The following CHEK2 variants were observed in gnomAD, a reference collection of about 807,000 sequenced individuals.
CHEK2 encodes the protein checkpoint kinase 2.
A neutral mutation model predicts 69.1 loss-of-function variants in CHEK2; 71 were observed. The observed-to-expected ratio is 1.03, with a 90% CI of 0.85 to 1.25. CHEK2 has a LOEUF of 1.25. Ranked by LOEUF, CHEK2 falls within the 50% of genes most tolerant of loss-of-function variation. The probability of loss-of-function intolerance (pLI) is 0.00; values close to 1 mark genes in which losing one functional copy is unlikely to be tolerated. For missense variants in CHEK2, 664 were observed against 649.6 expected (o/e 1.02, Z -0.24); for synonymous variants, 189 against 226.9 (o/e 0.83, Z 1.50).
At chr22:28,698,570 C>G (rs2052687094) in intron 9 of CHEK2, among the ~76,000 whole-genome samples, 1 of 152,102 alleles carries the variant, frequency 6.6e-6, no homozygotes, top group African/African-American at 2.4e-5. Flanking sequence ...AAAAAAATTT[C>G]TCTCGATCCT....
intron 1 of CHEK2, among the ~76,000 whole-genome samples, chr22:28,736,779 C>CAA (rs2054422807): frequency 6.7e-6 from 1 of 149,988 alleles, no homozygotes; most frequent in African/African-American, 2.5e-5. Flanking sequence ...CCCCGCCCCC[C>CAA]GTACAAAAAA....
chr22:28,721,585 C>T, intron 4 of CHEK2: 1 of 459,794 alleles, frequency 2.2e-6, no homozygotes, highest in South Asian at 1.6e-5. Flanking sequence ...CCGCGCCCCG[C>T]CGTATTTTTG....
intron 6 of CHEK2, among the ~76,000 whole-genome samples, chr22:28,711,240 G>T (rs1048978830): frequency 5.9e-5 from 9 of 152,100 alleles, no homozygotes; most frequent in African/African-American, 2.2e-4. Context: ...ATAAAGAAAG[G>T]CTATTTCAAT....
chr22:28,692,324 C>A (rs1433064856), intron 13 of CHEK2, among the ~76,000 whole-genome samples: 1 of 152,194 alleles, frequency 6.6e-6, no homozygotes, highest in African/African-American at 2.4e-5. Context: ...TCCCCACATG[C>A]AAAGGCACCC....
rs121908712 is a variant in CHEK2 at position 28,712,091 on chromosome 22, C to G, written c.684-74G>C. Reference sequence around the variant, plus strand: ...AGACCTACCACTCCTGGGTCCACTTCAAGTATTAGAATTTACAGACATTCC... The same window carrying G: ...AGACCTACCACTCCTGGGTCCACTTGAAGTATTAGAATTTACAGACATTCC... On this transcript the variant is annotated intron_variant, in intron 5 of 14. Coordinates refer to ENST00000404276, the MANE Select transcript of CHEK2 (RefSeq NM_007194.4). 2.5e-3 allele frequency: 2,495 copies of G among 1,001,488 alleles called. 6 individuals carry two copies. Among genetic ancestry groups the G allele is most frequent in the Middle Eastern group, 7.9e-3 (37 of 4,694 alleles). The allele number at this position is 1,001,488 out of a possible 1,614,324, so 62.0% of individuals were successfully genotyped here. A position where few individuals can be genotyped will look rare whatever the true frequency, so the allele number is the denominator to read the frequency against.
intron 13 of CHEK2, among the ~76,000 whole-genome samples, chr22:28,692,245 A>G (rs2052394061): frequency 6.6e-6 from 1 of 152,226 alleles, no homozygotes; most frequent in Non-Finnish European, 1.5e-5. Context: ...ATTTAGACCC[A>G]AGAGTTTCCC....
chr22:28,712,174 G>A, intron 5 of CHEK2, 157 bp from the exon 6 acceptor site: 1 of 668,488 alleles, frequency 1.5e-6, no homozygotes, highest in South Asian at 1.7e-5. Flanking sequence ...CTTCACCAGT[G>A]TAAAATGTCA....
At position 28,725,014 on chromosome 22, in the gene CHEK2, G is replaced by C. The variant is rs780782542; in HGVS notation, c.555C>G (p.Asn185Lys). The C allele has an allele frequency of 6.2e-7, 1 of 1,613,830 alleles. No homozygotes were observed. The highest frequency in any genetic ancestry group is 8.5e-7 in the Non-Finnish European group (1 of 1,179,922). ...TTAGTGACAGTGCAATTTCAGAATT[G>C]TTATTCAAAGGACGGCGTTTTCCTT... ...VGKGKRRPLN[N>K]NSEIALSLSR... Residue 185 changes from asparagine to lysine, a missense_variant, in exon 4 of 15, where the codon AAC (asparagine) becomes AAG (lysine). Transcript: ENST00000404276.
chr22:28,722,259 C>A (rs956664119), intron 4 of CHEK2, among the ~76,000 whole-genome samples: 1 of 151,574 alleles, frequency 6.6e-6, no homozygotes, highest in Admixed American at 6.6e-5. Context: ...ACAAAATGGT[C>A]GCCGGGCGCG....
At chr22:28,694,955 T>C (rs185406239) in intron 12 of CHEK2, among the ~76,000 whole-genome samples, 172 bp downstream of exon 12, 1 of 152,332 alleles carries the variant, frequency 6.6e-6, no homozygotes, top group East Asian at 1.9e-4. Flanking sequence ...ACCCAGGACC[T>C]GAGTGCATGC....
chr22:28,688,453 C>T (rs962335597), intron 14 of CHEK2, among the ~76,000 whole-genome samples: 4 of 152,206 alleles, frequency 2.6e-5, no homozygotes, highest in African/African-American at 9.6e-5. Context: ...CAGGTCGCTT[C>T]AGGTCAAAAG....
intron 9 of CHEK2, among the ~76,000 whole-genome samples, chr22:28,697,265 G>A (rs1252189517): frequency 6.6e-6 from 1 of 152,114 alleles, no homozygotes; most frequent in Non-Finnish European, 1.5e-5. Context: ...GAAATGTAAG[G>A]TGTCAATTTC....
At chr22:28,705,752 CCT>C (rs2053101385) in intron 7 of CHEK2, among the ~76,000 whole-genome samples, 1 of 151,652 alleles carries the variant, frequency 6.6e-6, no homozygotes, top group South Asian at 2.1e-4. Context: ...ATGGTGAAAC[CCT>C]GTCTCTACTA....
intron 7 of CHEK2, among the ~76,000 whole-genome samples, chr22:28,708,361 ATATG>A (rs1019313751): frequency 1.8e-4 from 19 of 104,460 alleles, no homozygotes; most frequent in South Asian, 8.5e-4. Flanking sequence ...GTCTCTAAAA[ATATG>A]TGTGTGTGTG....
At position 28,695,664 on chromosome 22, in the gene CHEK2, C is replaced by T. The variant is rs1467428319; in HGVS notation, c.1259+46G>A. The T allele has an allele frequency of 1.9e-6, 3 of 1,559,708 alleles. No homozygotes were observed. The highest frequency in any genetic ancestry group is 1.7e-4 in the Middle Eastern group (1 of 5,944). On this transcript the variant is annotated intron_variant, in intron 11 of 14. Transcript: ENST00000404276. ...GAGCAAGACACATTTGTGACTTCAT[C>T]TAATCACCTCCTACCAGTCTGTGCA... is the stretch of plus-strand genomic sequence containing the variant.
chr22:28,720,157 C>A (rs890256472), intron 4 of CHEK2, among the ~76,000 whole-genome samples: 2 of 148,712 alleles, frequency 1.3e-5, no homozygotes, highest in African/African-American at 4.9e-5. Flanking sequence ...GTGGCATGAC[C>A]TCAGCTCACT....
intron 2 of CHEK2, chr22:28,728,141 T>C (rs966405524): frequency 2.0e-5 from 3 of 151,920 alleles, no homozygotes; most frequent in Non-Finnish European, 4.4e-5. Context: ...AAAAAGAAAA[T>C]TAACAAATCC....
chr22:28,696,526 AC>A (rs1392229806), intron 10 of CHEK2, among the ~76,000 whole-genome samples: 1 of 152,176 alleles, frequency 6.6e-6, no homozygotes, highest in Admixed American at 6.5e-5. Context: ...GACACCCACC[AC>A]CATGCCCAGC....
intron 6 of CHEK2, among the ~76,000 whole-genome samples, chr22:28,710,601 C>T (rs902104685): frequency 6.6e-6 from 1 of 152,190 alleles, no homozygotes; most frequent in African/African-American, 2.4e-5. Context: ...CGCATATTTA[C>T]TGAGACTCTG....
Sources: allele counts gnomAD v4.1 joint callset (sites outside exome capture counted in the v4.1 genomes callset), GRCh38; gene constraint gnomAD v4.1.1; transcripts MANE v1.5; gene names NCBI Gene and HGNC (gene_info 2026-07-23, HGNC 2026-07-21).